Variants in CP observed in about 807,000 individuals in gnomAD.
CP encodes ceruloplasmin.
A neutral mutation model predicts 122.4 loss-of-function variants in CP; 64 were observed. The observed-to-expected ratio is 0.52, with a 90% CI of 0.43 to 0.64. CP has a LOEUF of 0.64. Among genes scored for constraint, CP ranks in the 30% least tolerant of loss-of-function variants. The pLI is 0.00. For missense variants in CP, 1,167 were observed against 1,284.4 expected (o/e 0.91, Z 1.40); for synonymous variants, 440 against 436.4 (o/e 1.01, Z -0.10).
chr3:149,205,863 T>C (rs896565589), intron 6 of CP, among the ~76,000 whole-genome samples: 1 of 152,220 alleles, frequency 6.6e-6, no homozygotes, highest in African/African-American at 2.4e-5. Context: ...TTAATGCTGC[T>C]GAATCGTACA....
chr3:149,216,726 G>A (rs540053127), intron 1 of CP, among the ~76,000 whole-genome samples: 9 of 152,104 alleles, frequency 5.9e-5, no homozygotes, highest in African/African-American at 1.4e-4. Context: ...CTCCACTGGC[G>A]CAGCATGAAT....
intron 8 of CP, 67 bp downstream of exon 8, chr3:149,199,645 A>G: frequency 6.3e-7 from 1 of 1,588,682 alleles, no homozygotes; most frequent in Admixed American, 1.7e-5. Flanking sequence ...TTTGCAGCAT[A>G]CTGTCAGTGA....
At chr3:149,192,434 A>G (rs1726598086) in intron 9 of CP, among the ~76,000 whole-genome samples, 1 of 152,048 alleles carries the variant, frequency 6.6e-6, no homozygotes, top group Admixed American at 6.5e-5. Context: ...ACTAAACTGT[A>G]GATGAATATT....
Position 149,209,278 on chromosome 3 carries a change from G to T in CP, c.714C>A (p.Thr238=). The part of the protein sequence containing the change: ...FSWYLEDNIK[T]YCSEPEKVDK... Reference sequence around the variant, plus strand: ...CAACTTTCTCTGGTTCTGAGCAGTAGGTTTTAATGTTGTCTTCTAGGTACC... The same window carrying T: ...CAACTTTCTCTGGTTCTGAGCAGTATGTTTTAATGTTGTCTTCTAGGTACC... The change falls in exon 4 of 19, where the codon ACC becomes ACA. Residue 238 remains threonine (T), a synonymous_variant. Coordinates refer to ENST00000264613, the MANE Select transcript of CP (RefSeq NM_000096.4). 2 of 1,613,686 alleles carry T rather than the reference G, an allele frequency of 1.2e-6. No homozygotes were observed. Among genetic ancestry groups the T allele is most frequent in the African/African-American group, 2.7e-5 (2 of 74,996 alleles).
At chr3:149,199,285 T>C (rs1396858682) in intron 8 of CP, among the ~76,000 whole-genome samples, 2 of 152,140 alleles carry the variant, frequency 1.3e-5, no homozygotes, top group Non-Finnish European at 2.9e-5. Context: ...ATTATATGTA[T>C]ACAGATGAAA....
At position 149,186,152 on chromosome 3, in the gene CP, G is replaced by A. The variant is rs190058894; in HGVS notation, c.2077+368C>T. 506 of 326,502 alleles carry A rather than the reference G, an allele frequency of 1.5e-3. 1 individual carries two copies. The highest frequency in any genetic ancestry group is 3.2e-3 in the Middle Eastern group (3 of 936). The allele number at this position is 326,502 out of a possible 1,614,324, so 20.2% of individuals were successfully genotyped here. A position where few individuals can be genotyped will look rare whatever the true frequency, so the allele number is the denominator to read the frequency against. Reference sequence around the variant, plus strand: ...AACCAACAAGCCAACACTACATCTAGGCTACAGAGACATGATGAAAAGTTT... The same window carrying A: ...AACCAACAAGCCAACACTACATCTAAGCTACAGAGACATGATGAAAAGTTT... On this transcript the variant is annotated intron_variant, in intron 11 of 18. Transcript: ENST00000264613.
At chr3:149,209,466 T>G (rs1162932975) in intron 3 of CP, 82 bp from the exon 4 acceptor site, 7 of 1,379,794 alleles carry the variant, frequency 5.1e-6, no homozygotes, top group Non-Finnish European at 7.0e-6. Flanking sequence ...TTATAGTTTT[T>G]AAAAATGTTA....
intron 2 of CP, among the ~76,000 whole-genome samples, chr3:149,212,183 C>T (rs369629791): frequency 7.2e-5 from 11 of 151,754 alleles, no homozygotes; most frequent in Admixed American, 5.3e-4. Flanking sequence ...TGGTAGTGGG[C>T]GCCTGTAGTC....
chr3:149,217,071 T>C lies in CP; in HGVS notation c.147-4373A>G, dbSNP rs981436992. 6.6e-5 allele frequency among the ~76,000 whole-genome samples: 10 copies of C among 152,070 alleles called. 1 individual carries two copies. The highest frequency in any genetic ancestry group is 6.8e-3 in the Middle Eastern group (2 of 294). The stretch of plus-strand genomic sequence containing the variant: ...GCACGCCACCACACCTAGCTAATTT[T>C]TGTATTTTTAGTAGAGACGGGATTT... On this transcript the variant is annotated intron_variant, in intron 1 of 18. Coordinates refer to ENST00000264613, the MANE Select transcript of CP (RefSeq NM_000096.4).
At chr3:149,207,214 T>A (rs975871022) in intron 5 of CP, 149 bp downstream of exon 5, 3 of 856,212 alleles carry the variant, frequency 3.5e-6, no homozygotes, top group Non-Finnish European at 5.3e-6. Flanking sequence ...AGTCTTTTTT[T>A]ATTACATTAT....
intron 9 of CP, among the ~76,000 whole-genome samples, chr3:149,190,152 G>A (rs992476217): frequency 1.3e-5 from 2 of 152,012 alleles, no homozygotes; most frequent in East Asian, 3.8e-4. Context: ...AATATATTAT[G>A]TGAAAAGACC....
downstream of CP, chr3:149,172,248 TG>T: frequency 6.2e-7 from 1 of 1,605,928 alleles, no homozygotes; most frequent in African/African-American, 1.3e-5. Context: ...AATACCATAA[TG>T]GCATTTGAGA....
At position 149,186,548 on chromosome 3, in the gene CP, A is replaced by G; in HGVS notation, c.2049T>C (p.Leu683=). ...DTANLFPQTS[L]TLHMWPDTEG... Reference sequence around the variant, plus strand: ...CTGTGTCAGGCCACATGTGGAGCGTAAGACTTGTTTGAGGGAAGAGGTTTG... The same window carrying G: ...CTGTGTCAGGCCACATGTGGAGCGTGAGACTTGTTTGAGGGAAGAGGTTTG... The change falls in exon 11 of 19, where the codon CTT becomes CTC. Residue 683 remains leucine, a synonymous_variant. Coordinates refer to ENST00000264613, the MANE Select transcript of CP (RefSeq NM_000096.4). 6.2e-7 allele frequency: 1 copy of G among 1,614,178 alleles called. No individual in the cohort carries two copies. Among genetic ancestry groups the G allele is most frequent in the Non-Finnish European group, 8.5e-7 (1 of 1,180,014 alleles).
Position 149,162,672 on chromosome 3 carries a change from C to T in CP, c.*217G>A, listed in dbSNP as rs1465390779. ...TATATTTATCTGGAATATAGAGGCT[C>T]CTTTTACTGTTTTTAAGGTGCTTTG... On this transcript the variant is annotated 3_prime_UTR_variant, in exon 6 of 6. Transcript: ENST00000479771. 3.1e-5 allele frequency: 50 copies of T among 1,613,426 alleles called. No homozygotes were observed. The highest frequency in any genetic ancestry group is 4.0e-5 in the Non-Finnish European group (47 of 1,179,594).
rs547504315 is a variant in CP, at chr3:149,217,512, C to T, written c.146+4135G>A. ...CTAACTAGGGAGTCTCCACTTTAAC[C>T]AGTCTAATATCTATTTCTTAGTCTG... On this transcript the variant is annotated intron_variant, in intron 1 of 18. Transcript: ENST00000264613. 5.3e-5 allele frequency among the ~76,000 whole-genome samples: 8 copies of T among 152,218 alleles called. No homozygotes were observed. The East Asian group carries it at 1.6e-3, about 30-fold the overall frequency.
chr3:149,208,558 T>A (rs1400414199), intron 4 of CP, among the ~76,000 whole-genome samples: 1 of 152,210 alleles, frequency 6.6e-6, no homozygotes, highest in East Asian at 1.9e-4. Flanking sequence ...TTTGAAGAAG[T>A]TAAACACAAA....
chr3:149,186,545 C>A lies in CP; in HGVS notation c.2052G>T (p.Thr684=). The A allele has an allele frequency of 6.2e-7, 1 of 1,614,148 alleles. No homozygotes were observed. The highest frequency in any genetic ancestry group is 8.5e-7 in the Non-Finnish European group (1 of 1,179,994). The change falls in exon 11 of 19, where the codon ACG becomes ACT. Residue 684 remains threonine (T), a synonymous_variant. Coordinates refer to ENST00000264613, the MANE Select transcript of CP (RefSeq NM_000096.4). Reference sequence around the variant, plus strand: ...CCTCTGTGTCAGGCCACATGTGGAGCGTAAGACTTGTTTGAGGGAAGAGGT... The same window carrying A: ...CCTCTGTGTCAGGCCACATGTGGAGAGTAAGACTTGTTTGAGGGAAGAGGT... ...TANLFPQTSL[T]LHMWPDTEGT... is the part of the protein sequence containing the mutation.
intron 6 of CP, among the ~76,000 whole-genome samples, chr3:149,202,478 A>G (rs1049741952): frequency 1.3e-5 from 2 of 152,174 alleles, no homozygotes; most frequent in African/African-American, 4.8e-5. Flanking sequence ...TTTCAAGTGA[A>G]GAGAAAATTT....
At chr3:149,180,030 A>G (rs1460770839) in intron 14 of CP, 4 of 269,114 alleles carry the variant, frequency 1.5e-5, no homozygotes, top group African/African-American at 6.7e-5. Context: ...TCAGATACCA[A>G]GTGATTTTTC....
Sources: allele counts gnomAD v4.1 joint callset (sites outside exome capture counted in the v4.1 genomes callset), GRCh38; gene constraint gnomAD v4.1.1; transcripts MANE v1.5; gene names NCBI Gene and HGNC (gene_info 2026-07-23, HGNC 2026-07-21).